The following ZPBP variants were observed in gnomAD, a reference collection of about 807,000 sequenced individuals.
ZPBP encodes the protein zona pellucida binding protein, also known as zona pellucida-binding protein 1.
ZPBP carries 26 observed loss-of-function variants against 44.8 expected under a neutral mutation model. The observed-to-expected ratio is 0.58, with a 90% CI of 0.43 to 0.81. The LOEUF is 0.81. Ranked by LOEUF, ZPBP falls within the 30% of genes least tolerant of loss-of-function variation. The pLI, the probability that ZPBP is intolerant of heterozygous loss-of-function variation, is 0.00. For missense variants in ZPBP, 409 were observed against 434.0 expected (o/e 0.94, Z 0.51); for synonymous variants, 174 against 153.2 (o/e 1.14, Z -1.00).
chr7:50,084,420 C>A (rs1369684095), intron 2 of ZPBP, among the ~76,000 whole-genome samples: 1 of 146,728 alleles, frequency 6.8e-6, no homozygotes, highest in Non-Finnish European at 1.5e-5. Flanking sequence ...AAAAGTTCAA[C>A]AAAATGTAAA....
intron 4 of ZPBP, among the ~76,000 whole-genome samples, chr7:50,047,553 T>G (rs1800439414): frequency 6.6e-6 from 1 of 151,074 alleles, no homozygotes; most frequent in Non-Finnish European, 1.5e-5. Context: ...CTGTGGAGAA[T>G]AGCCTTACAT....
intron 6 of ZPBP, among the ~76,000 whole-genome samples, chr7:50,009,191 T>C (rs1350906820): frequency 6.8e-6 from 1 of 147,084 alleles, no homozygotes; most frequent in Admixed American, 6.8e-5. Context: ...GAGCCAAGAT[T>C]GTAACACTGC....
At chr7:50,091,648 G>A (rs1802997931) in intron 1 of ZPBP, among the ~76,000 whole-genome samples, 1 of 152,160 alleles carries the variant, frequency 6.6e-6, no homozygotes, top group Non-Finnish European at 1.5e-5. Context: ...TGGGATCAAT[G>A]TTTATGTTAA....
chr7:50,056,871 T>C (rs1331593998), intron 4 of ZPBP, among the ~76,000 whole-genome samples: 3 of 152,156 alleles, frequency 2.0e-5, no homozygotes, highest in Non-Finnish European at 2.9e-5. Flanking sequence ...ACTTCACCTT[T>C]ACACAATGGG....
intron 2 of ZPBP, among the ~76,000 whole-genome samples, chr7:49,873,447 A>C (rs692667): frequency 0.8 from 121,254 of 152,026 alleles, 48,512 homozygotes; most frequent in East Asian, 0.91. Flanking sequence ...TGCCCAAGTC[A>C]CCACCTCCTG....
At chr7:50,053,079 A>G (rs1449278252) in intron 4 of ZPBP, among the ~76,000 whole-genome samples, 1 of 152,188 alleles carries the variant, frequency 6.6e-6, no homozygotes, top group Non-Finnish European at 1.5e-5. Flanking sequence ...ACACACACAC[A>G]AAAGTACACA....
intron 3 of ZPBP, among the ~76,000 whole-genome samples, chr7:50,063,214 G>C (rs1014621518): frequency 6.6e-6 from 1 of 152,210 alleles, no homozygotes; most frequent in South Asian, 2.1e-4. Context: ...AGAAAAACAG[G>C]CAGTTAATTT....
intron 3 of ZPBP, among the ~76,000 whole-genome samples, chr7:50,071,261 A>G (rs1801819053): frequency 6.6e-6 from 1 of 152,134 alleles, no homozygotes; most frequent in African/African-American, 2.4e-5. Context: ...TTAGAGCAGA[A>G]AGGAAAAGCA....
intron 5 of ZPBP, among the ~76,000 whole-genome samples, chr7:50,030,192 G>T (rs942547093): frequency 6.6e-6 from 1 of 151,956 alleles, no homozygotes; most frequent in Non-Finnish European, 1.5e-5. Context: ...CCCAGGGGCT[G>T]GGGAAAAACT....
chr7:50,010,307 T>C (rs1199556801), intron 6 of ZPBP, among the ~76,000 whole-genome samples: 1 of 151,654 alleles, frequency 6.6e-6, no homozygotes, highest in African/African-American at 2.4e-5. Context: ...AACCCAAAAA[T>C]AGTCCCACAC....
intron 2 of ZPBP, among the ~76,000 whole-genome samples, chr7:49,890,897 C>T (rs1387862131): frequency 6.6e-6 from 1 of 151,040 alleles, no homozygotes; most frequent in Non-Finnish European, 1.5e-5. Flanking sequence ...AGGAAACTCA[C>T]AAGCCAGGAG....
intron 2 of ZPBP, among the ~76,000 whole-genome samples, chr7:50,088,992 G>A (rs1452462418): frequency 6.6e-6 from 1 of 151,866 alleles, no homozygotes; most frequent in Non-Finnish European, 1.5e-5. Context: ...GACACAAAAG[G>A]GCACATAGTG....
Position 49,851,401 on chromosome 7 carries a change from G to A in ZPBP, n.510-887C>T, listed in dbSNP as rs146500755. The stretch of plus-strand genomic sequence containing the variant: ...CAACTCACTCTGGTGCTAAACACCA[G>A]AGCCTGGCTCATAGCAGACGGGCAC... On this transcript the variant is annotated intron_variant and non_coding_transcript_variant, in intron 2 of 2. Coordinates refer to the ZPBP transcript ENST00000465922. 1.6e-3 allele frequency among the ~76,000 whole-genome samples: 249 copies of A among 152,270 alleles called. 4 individuals are homozygous for A. The highest frequency in any genetic ancestry group is 0.014 in the Admixed American group (209 of 15,298).
intron 7 of ZPBP, among the ~76,000 whole-genome samples, chr7:49,958,656 C>G (rs1303517887): frequency 6.6e-6 from 1 of 152,166 alleles, no homozygotes; most frequent in Non-Finnish European, 1.5e-5. Context: ...CTTTTCATGA[C>G]AAATTATGGA....
At chr7:49,882,494 C>T (rs1791711070) in intron 2 of ZPBP, among the ~76,000 whole-genome samples, 1 of 151,756 alleles carries the variant, frequency 6.6e-6, no homozygotes. Flanking sequence ...GAGACTGAGA[C>T]AGATAAGGAG....
At chr7:50,056,702 C>T (rs971212794) in intron 4 of ZPBP, among the ~76,000 whole-genome samples, 1 of 152,206 alleles carries the variant, frequency 6.6e-6, no homozygotes, top group Non-Finnish European at 1.5e-5. Flanking sequence ...CGGACAAACA[C>T]CGCCACTTTA....
In ZPBP at chr7:49,979,350, T is replaced by C. The variant is rs185974410; in HGVS notation, c.961+3992A>G. On this transcript the variant is annotated intron_variant, in intron 7 of 7. Coordinates refer to ENST00000046087, the MANE Select transcript of ZPBP (RefSeq NM_007009.3). ...TTCATGGATGCATCTCCTAAGTATATAAACTCCGTGGGCAGAGATCAAATA... is the reference window on the plus strand; with the variant it reads ...TTCATGGATGCATCTCCTAAGTATACAAACTCCGTGGGCAGAGATCAAATA... Among the ~76,000 whole-genome samples the C allele has an allele frequency of 1.4e-4, 22 of 152,180 alleles. No homozygotes were observed. In the East Asian group the frequency reaches 3.7e-3, roughly 25 times the overall value.
intron 2 of ZPBP, among the ~76,000 whole-genome samples, chr7:49,871,125 C>T (rs904917201): frequency 6.6e-6 from 1 of 152,012 alleles, no homozygotes; most frequent in African/African-American, 2.4e-5. Flanking sequence ...TTCATAAATA[C>T]AAAAGGTGAT....
chr7:49,974,782 C>T (rs1796432672), intron 7 of ZPBP, among the ~76,000 whole-genome samples: 1 of 410 alleles, frequency 2.4e-3, no homozygotes, highest in South Asian at 0.042. Flanking sequence ...ACGCACGTTT[C>T]TGTAGTCTCA....
Sources: gnomAD v4.1 joint callset for allele counts (sites outside exome capture counted in the v4.1 genomes callset) on GRCh38, gnomAD v4.1.1 for gene constraint, MANE v1.5 for transcripts, NCBI Gene and HGNC (gene_info 2026-07-23, HGNC 2026-07-21) for gene names.